TCF7: variants seen among roughly 807,000 people sequenced by gnomAD.
TCF7 encodes transcription factor 7.
TCF7 carries 19 observed loss-of-function variants against 46.8 expected under a neutral mutation model. That is an observed-to-expected ratio of 0.41 (90% confidence interval 0.28 to 0.60). The LOEUF (loss-of-function observed/expected upper bound fraction) is 0.60. Among genes scored for constraint, TCF7 ranks in the 20% least tolerant of loss-of-function variants. TCF7 has a pLI of 0.35. For synonymous variants in TCF7, 245 were observed against 213.4 expected (o/e 1.15, Z -1.29); for missense variants, 547 against 504.6 (o/e 1.08, Z -0.81).
At chr5:134,139,064 G>C in intron 5 of TCF7, 26 bp downstream of exon 5, 1 of 1,612,380 alleles carries the variant, frequency 6.2e-7, no homozygotes, top group Non-Finnish European at 8.5e-7. Context: ...ATGGGAAAGG[G>C]GTACCGTGTG....
In TCF7 at chr5:134,138,075, C is replaced by T. The variant is rs144072187; in HGVS notation, c.458C>T (p.Pro153Leu). 2.1e-4 allele frequency: 329 copies of T among 1,603,642 alleles called. No individual in the cohort carries two copies. In the African/African-American group the frequency reaches 2.3e-3, roughly 11 times the overall value. The change falls in exon 4 of 10, where the codon CCC becomes CTC. Residue 153 changes from proline to leucine, a missense_variant. Physicochemically the swap from Pro to Leu is moderately conservative, Grantham distance 98 (BLOSUM62 -3). This residue lies in a region of TCF7 where 425 missense variants were observed against 349.9 expected (regional missense o/e 1.21). Transcript: ENST00000342854. ...PQPPLHKANQ[P>L]PHGVPQLSLY... ...ATTTTTCAGCACAAGGCCAATCAGC[C>T]CCCCCACGGTGTCCCCCAACTCTCT...
chr5:134,138,773 CT>C, intron 4 of TCF7, 177 bp from the exon 5 acceptor site: 1 of 1,006,288 alleles, frequency 9.9e-7, no homozygotes, highest in South Asian at 1.8e-5. Context: ...GTTCCCTTGT[CT>C]GTCAAAGGGG....
chr5:134,109,770 C>CAAAAAAAAAAAAA (rs59510685), upstream of TCF7, among the ~76,000 whole-genome samples: 11 of 140,312 alleles, frequency 7.8e-5, no homozygotes, highest in African/African-American at 2.2e-4. Flanking sequence ...GGCTCCATCT[C>CAAAAAAAAAAAAA]AAAAAAAAAA....
the TCF7 span, among the ~76,000 whole-genome samples, chr5:134,108,631 A>T: frequency 1.3e-5 from 2 of 152,070 alleles, no homozygotes; most frequent in Admixed American, 1.3e-4. Context: ...ATATACTGGG[A>T]GGTAGTCTAT....
intron 9 of TCF7, chr5:134,145,064 G>A (rs1018336435): frequency 1.9e-5 from 12 of 644,216 alleles, no homozygotes; most frequent in Non-Finnish European, 3.1e-5. Context: ...TTGGGTCTAA[G>A]TGCAGGAGGA....
intron 5 of TCF7, chr5:134,140,967 C>G: frequency 3.0e-6 from 1 of 331,744 alleles, no homozygotes; most frequent in South Asian, 2.2e-5. Flanking sequence ...ATGCCCAGGC[C>G]AGTGCTTGCC....
chr5:134,138,991 C>T lies in TCF7; in HGVS notation c.588C>T (p.Tyr196=). The T allele has an allele frequency of 1.1e-5, 17 of 1,614,040 alleles. No individual in the cohort carries two copies. The highest frequency in any genetic ancestry group is 1.4e-5 in the Non-Finnish European group (16 of 1,180,014). Residue 196 remains tyrosine (Y), a synonymous_variant, in exon 5 of 10, where the codon TAC becomes TAT. Coordinates refer to ENST00000342854, the MANE Select transcript of TCF7 (RefSeq NM_003202.5). Reference sequence around the variant, plus strand: ...AGACCCCTGACCTCTCTGGCTTCTACTCCCTGACCTCAGGCAGCATGGGGC... The same window carrying T: ...AGACCCCTGACCTCTCTGGCTTCTATTCCCTGACCTCAGGCAGCATGGGGC... ...PLQTPDLSGF[Y]SLTSGSMGQL... is the part of the protein sequence containing the mutation.
chr5:134,145,069 G>A, intron 9 of TCF7: 2 of 639,846 alleles, frequency 3.1e-6, no homozygotes, highest in South Asian at 3.4e-5. Context: ...TCTAAGTGCA[G>A]GAGGATTGGA....
Position 134,138,984 on chromosome 5 carries a change from G to C in TCF7, c.581G>C (p.Gly194Ala), listed in dbSNP as rs774002943. 2 of 1,613,972 alleles carry C rather than the reference G, an allele frequency of 1.2e-6. No individual in the cohort carries two copies. Among genetic ancestry groups the C allele is most frequent in the Non-Finnish European group, 1.7e-6 (2 of 1,180,014 alleles). The change falls in exon 5 of 10, where the codon GGC becomes GCC. Residue 194 changes from glycine to alanine, a missense_variant. Around this residue, in one of 3 missense-constraint regions of TCF7, gnomAD observed 425 missense variants for 349.9 expected, o/e 1.21. Coordinates refer to ENST00000342854, the MANE Select transcript of TCF7 (RefSeq NM_003202.5). Reference protein sequence around the residue: ...HRPLQTPDLSGFYSLTSGSMG... With the variant: ...HRPLQTPDLSAFYSLTSGSMG... ...CCTCTGCAGACCCCTGACCTCTCTGGCTTCTACTCCCTGACCTCAGGCAGC... is the reference window on the plus strand; with the variant it reads ...CCTCTGCAGACCCCTGACCTCTCTGCCTTCTACTCCCTGACCTCAGGCAGC...
chr5:134,140,906 C>A, intron 5 of TCF7: 1 of 382,342 alleles, frequency 2.6e-6, no homozygotes, highest in Admixed American at 3.2e-5. Flanking sequence ...CCCTACACTG[C>A]AGCTAGGCTC....
At chr5:134,125,109 T>A (rs1304285423) in intron 3 of TCF7, among the ~76,000 whole-genome samples, 1 of 152,268 alleles carries the variant, frequency 6.6e-6, no homozygotes, top group East Asian at 1.9e-4. Flanking sequence ...TTGCAAGCAT[T>A]GCTCCAGAGC....
At chr5:134,133,100 G>C (rs1261737169) in intron 3 of TCF7, among the ~76,000 whole-genome samples, 1 of 152,192 alleles carries the variant, frequency 6.6e-6, no homozygotes, top group Non-Finnish European at 1.5e-5. Flanking sequence ...AGGCACTGGT[G>C]GGACAGAGAT....
chr5:134,130,946 A>T (rs1758034568), intron 3 of TCF7, among the ~76,000 whole-genome samples: 1 of 152,226 alleles, frequency 6.6e-6, no homozygotes, highest in African/African-American at 2.4e-5. Flanking sequence ...CAACTATAGC[A>T]CAGTGGATCG....
At chr5:134,142,109 T>G in intron 5 of TCF7, 76 bp from the exon 6 acceptor site, 1 of 1,598,242 alleles carries the variant, frequency 6.3e-7, no homozygotes, top group Non-Finnish European at 8.6e-7. Flanking sequence ...TTATGTATTA[T>G]GCAGGGGCCT....
intron 4 of TCF7, 153 bp downstream of exon 4, chr5:134,138,317 TG>T (rs35149138): frequency 9.0e-6 from 6 of 665,974 alleles, no homozygotes; most frequent in Non-Finnish European, 1.5e-5. Context: ...AAAGATGGAC[TG>T]GGGGTATAAG....
intron 3 of TCF7, among the ~76,000 whole-genome samples, chr5:134,131,280 A>C (rs1758083873): frequency 6.6e-6 from 1 of 152,190 alleles, no homozygotes; most frequent in Non-Finnish European, 1.5e-5. Flanking sequence ...CACCTTACAG[A>C]GCCTTGCTTC....
At chr5:134,116,148 G>C in intron 3 of TCF7, 115 bp downstream of exon 3, 1 of 1,452,636 alleles carries the variant, frequency 6.9e-7, no homozygotes, top group Non-Finnish European at 9.1e-7. Context: ...TCCTGTGCTG[G>C]TCTTTTCTCC....
chr5:134,129,111 G>A (rs1295743585), intron 3 of TCF7, among the ~76,000 whole-genome samples: 1 of 152,170 alleles, frequency 6.6e-6, no homozygotes, highest in African/African-American at 2.4e-5. Flanking sequence ...GTGAGACCTC[G>A]GGCAAGATTC....
At chr5:134,145,668 G>A in intron 9 of TCF7, 1 of 1,515,432 alleles carries the variant, frequency 6.6e-7, no homozygotes, top group South Asian at 1.2e-5. Context: ...GTGTGTCTGT[G>A]TATCCACATA....
Sources: allele counts gnomAD v4.1 joint callset (sites outside exome capture counted in the v4.1 genomes callset), GRCh38; gene constraint gnomAD v4.1.1; regional missense constraint gnomAD v4.1.1; transcripts MANE v1.5; gene names NCBI Gene and HGNC (gene_info 2026-07-23, HGNC 2026-07-21).